The following QRICH1 variants were observed in gnomAD, a reference collection of about 807,000 sequenced individuals.
The protein encoded by QRICH1 is transcriptional regulator QRICH1.
Under a neutral mutation model 87.1 loss-of-function variants are expected in QRICH1, and 16 were observed. The ratio of observed to expected loss-of-function variants is 0.18; its 90% CI spans 0.12 to 0.28. The LOEUF is 0.28. Ranked by LOEUF, QRICH1 falls within the 10% of genes least tolerant of loss-of-function variation. The pLI is 1.00. For synonymous variants in QRICH1, 367 were observed against 368.4 expected (o/e 1.00, Z 0.05); for missense variants, 647 against 951.7 (o/e 0.68, Z 4.21).
chr3:49,076,575 G>A, intron 2 of QRICH1, 134 bp downstream of exon 2: 1 of 875,458 alleles, frequency 1.1e-6, no homozygotes, highest in Non-Finnish European at 1.6e-6. Context: ...AAAACTTTTA[G>A]TCCACATTAA....
At chr3:49,078,052 G>A (rs923665142) in intron 1 of QRICH1, among the ~76,000 whole-genome samples, 4 of 152,078 alleles carry the variant, frequency 2.6e-5, no homozygotes, top group Non-Finnish European at 5.9e-5. Flanking sequence ...TCAACAGCCC[G>A]ACCTCCAGAA....
intron 1 of QRICH1, among the ~76,000 whole-genome samples, chr3:49,082,972 C>T (rs1224441190): frequency 6.6e-6 from 1 of 150,786 alleles, no homozygotes; most frequent in Non-Finnish European, 1.5e-5. Context: ...TTTGGGGGGC[C>T]AAGGAAGGTG....
chr3:49,057,308 T>G lies in QRICH1; in HGVS notation c.892A>C (p.Thr298Pro). The G allele has an allele frequency of 6.2e-7, 1 of 1,614,170 alleles. No individual in the cohort carries two copies. Among genetic ancestry groups the G allele is most frequent in the East Asian group, 2.2e-5 (1 of 44,866 alleles). The change falls in exon 3 of 10, where the codon ACT becomes CCT. Residue 298 changes from threonine (T) to proline (P), a missense_variant. By Grantham distance (38) the Thr-to-Pro change is conservative. Around this residue, in one of 7 missense-constraint regions of QRICH1, gnomAD observed 75 missense variants for 141.0 expected, o/e 0.53. Transcript: ENST00000395443. The surrounding 1 kb of genome is among the most constrained non-coding windows in gnomAD (Gnocchi z 5.4). Reference sequence around the variant, plus strand: ...CCTGTAGGGCTAGTAATGGTCCCAGTGGCACTGTACAGGTGGGCACTGTCT... The same window carrying G: ...CCTGTAGGGCTAGTAATGGTCCCAGGGGCACTGTACAGGTGGGCACTGTCT... ...TVDSAHLYSA[T>P]GTITSPTGET...
At chr3:49,072,482 T>C (rs1342705802) in intron 2 of QRICH1, among the ~76,000 whole-genome samples, 1 of 149,678 alleles carries the variant, frequency 6.7e-6, no homozygotes. Flanking sequence ...GCCAAGATCA[T>C]ACCGCTGCAC....
At chr3:49,092,863 G>C (rs1575392781) in intron 1 of QRICH1, among the ~76,000 whole-genome samples, 1 of 152,198 alleles carries the variant, frequency 6.6e-6, no homozygotes, top group South Asian at 2.1e-4. Flanking sequence ...CTGATTCTCA[G>C]GTTGTTCCAT....
chr3:49,076,633 G>T, intron 2 of QRICH1, 76 bp downstream of exon 2: 1 of 1,063,574 alleles, frequency 9.4e-7, no homozygotes, highest in Non-Finnish European at 1.3e-6. Context: ...ACATAGATGT[G>T]ATGAGCCCAC....
chr3:49,075,330 C>CAAA (rs941226226), intron 2 of QRICH1, among the ~76,000 whole-genome samples: 2 of 65,922 alleles, frequency 3.0e-5, no homozygotes, highest in Non-Finnish European at 6.4e-5. Flanking sequence ...CCCTGTCCCT[C>CAAA]AAAAAAAAAA....
At chr3:49,069,101 ATTATTAT>A (rs2093485267) in intron 2 of QRICH1, among the ~76,000 whole-genome samples, 2 of 87,398 alleles carry the variant, frequency 2.3e-5, no homozygotes, top group African/African-American at 5.1e-5. Flanking sequence ...TATTATTATT[ATTATTAT>A]TTTTTTTTTT....
intron 1 of QRICH1, among the ~76,000 whole-genome samples, chr3:49,092,686 C>T (rs1375596664): frequency 1.3e-5 from 2 of 152,014 alleles, no homozygotes; most frequent in Non-Finnish European, 2.9e-5. Context: ...GTGCCTATTT[C>T]TCTAGAACAA....
chr3:49,059,916 G>C (rs1222705127), intron 2 of QRICH1, among the ~76,000 whole-genome samples: 3 of 143,778 alleles, frequency 2.1e-5, no homozygotes, highest in Non-Finnish European at 3.0e-5. Context: ...ACGGAGTCTC[G>C]CTCTATCGCC....
intron 1 of QRICH1, among the ~76,000 whole-genome samples, chr3:49,089,531 T>C (rs1347754164): frequency 1.3e-5 from 2 of 152,024 alleles, no homozygotes; most frequent in Non-Finnish European, 2.9e-5. Flanking sequence ...TAAACAAGGG[T>C]ACTTAATACA....
chr3:49,086,724 C>A (rs935977084), intron 1 of QRICH1, among the ~76,000 whole-genome samples: 2 of 152,012 alleles, frequency 1.3e-5, no homozygotes, highest in South Asian at 2.1e-4. Flanking sequence ...TAATTTTTTT[C>A]TTTTTTCCGT....
intron 2 of QRICH1, chr3:49,058,157 AT>A (rs1289930541): frequency 0.011 from 3,870 of 365,514 alleles, 1 homozygote; most frequent in South Asian, 0.015. Context: ...AAAAAAAAAA[AT>A]TTTTTTTTTT....
intron 2 of QRICH1, among the ~76,000 whole-genome samples, chr3:49,073,764 G>A (rs930893262): frequency 1.1e-4 from 16 of 150,834 alleles, no homozygotes; most frequent in African/African-American, 3.4e-4. Flanking sequence ...CTCCCATCTC[G>A]GCCTCCCTAG....
Position 49,032,347 on chromosome 3 carries a change from T to C in QRICH1, c.2048-74A>G, listed in dbSNP as rs2093246138. 5 of 1,196,612 alleles carry C rather than the reference T, an allele frequency of 4.2e-6. No individual in the cohort carries two copies. The South Asian group carries it at 5.1e-5, about 12-fold the overall frequency. The allele number at this position is 1,196,612 out of a possible 1,614,324, so 74.1% of individuals were successfully genotyped here. ...TACCTCAGGCCCAGATCAGGAAACTTAGGCTTTCAGCCAGCCCAACTAGGA... is the reference window on the plus strand; with the variant it reads ...TACCTCAGGCCCAGATCAGGAAACTCAGGCTTTCAGCCAGCCCAACTAGGA... On this transcript the variant is annotated intron_variant, in intron 8 of 9. Transcript: ENST00000395443.
chr3:49,069,104 ATTATTTT>A (rs2093485518), intron 2 of QRICH1, among the ~76,000 whole-genome samples: 1 of 103,090 alleles, frequency 9.7e-6, no homozygotes, highest in African/African-American at 4.4e-5. Context: ...TATTATTATT[ATTATTTT>A]TTTTTTTTTT....
intron 1 of QRICH1, among the ~76,000 whole-genome samples, chr3:49,089,042 G>A (rs989729283): frequency 6.6e-6 from 1 of 151,678 alleles, no homozygotes; most frequent in Non-Finnish European, 1.5e-5. Flanking sequence ...TTTTCATCAC[G>A]GTTCTATTTT....
chr3:49,078,387 T>C (rs13073004), intron 1 of QRICH1, among the ~76,000 whole-genome samples: 5 of 24,212 alleles, frequency 2.1e-4, no homozygotes, highest in African/African-American at 4.8e-4. Context: ...TTATGGTTCC[T>C]TTTTTTTTTT....
chr3:49,036,402 A>C (rs1343404807), intron 6 of QRICH1, among the ~76,000 whole-genome samples: 1 of 152,238 alleles, frequency 6.6e-6, no homozygotes, highest in Non-Finnish European at 1.5e-5. Flanking sequence ...CTAGAACAAG[A>C]AATGTCCAAG....
Sources: gnomAD v4.1 joint callset for allele counts (sites outside exome capture counted in the v4.1 genomes callset) on GRCh38, gnomAD v4.1.1 for gene constraint, gnomAD v4.1.1 regional missense constraint, Gnocchi (gnomAD v3.1) non-coding constraint, MANE v1.5 for transcripts, NCBI Gene and HGNC (gene_info 2026-07-23, HGNC 2026-07-21) for gene names.